DCC: variants seen among roughly 807,000 people sequenced by gnomAD.
DCC encodes the protein netrin receptor DCC.
Under a neutral mutation model 172.5 loss-of-function variants are expected in DCC, and 58 were observed. The ratio of observed to expected loss-of-function variants is 0.34; its 90% confidence interval spans 0.27 to 0.42. DCC has a LOEUF of 0.42. Among genes scored for constraint, DCC ranks in the 10% least tolerant of loss-of-function variants. The pLI, the probability that DCC is intolerant of heterozygous loss-of-function variation, is 1.00. For synonymous variants in DCC, 709 were observed against 644.5 expected (o/e 1.10, Z -1.52); for missense variants, 1,740 against 1,791.0 (o/e 0.97, Z 0.51).
At chr18:53,230,115 T>C (rs950432618) in intron 12 of DCC, among the ~76,000 whole-genome samples, 13 of 152,122 alleles carry the variant, frequency 8.5e-5, no homozygotes, top group African/African-American at 2.7e-4. Flanking sequence ...TTCATTGTTA[T>C]TGATGAATGA....
At chr18:52,481,266 G>A (rs1010946031) in intron 1 of DCC, among the ~76,000 whole-genome samples, 14 of 152,138 alleles carry the variant, frequency 9.2e-5, no homozygotes, top group Non-Finnish European at 2.9e-5. Flanking sequence ...GTGCGTGCCA[G>A]CCTGGCGCAT....
At chr18:53,424,221 A>G (rs1436486830) in intron 21 of DCC, among the ~76,000 whole-genome samples, 1 of 152,166 alleles carries the variant, frequency 6.6e-6, no homozygotes, top group Non-Finnish European at 1.5e-5. Context: ...AGCTGCTTGG[A>G]ATTCTGAGTA....
intron 5 of DCC, among the ~76,000 whole-genome samples, chr18:53,060,542 G>A (rs1181986229): frequency 1.3e-5 from 2 of 152,098 alleles, no homozygotes; most frequent in Non-Finnish European, 2.9e-5. Flanking sequence ...ATATAGATTA[G>A]AACTCACATA....
intron 9 of DCC, among the ~76,000 whole-genome samples, chr18:53,196,916 T>C (rs1451750428): frequency 6.6e-6 from 1 of 152,118 alleles, no homozygotes; most frequent in Non-Finnish European, 1.5e-5. Flanking sequence ...TACTGTCTTA[T>C]CTCCTAACTA....
rs1432892226 is a variant in DCC, at chr18:52,927,172, T to C, written c.985+1802T>C. ...GTGTATATATACGTATATATGTGTA[T>C]ATATGTGTATATATACGTATATATA... On this transcript the variant is annotated intron_variant, in intron 5 of 28. Transcript: ENST00000442544. Among the ~76,000 whole-genome samples, 15 of 145,848 alleles carry C rather than the reference T, an allele frequency of 1.0e-4. 4 individuals are homozygous for C. Among genetic ancestry groups the C allele is most frequent in the Non-Finnish European group, 2.1e-4 (14 of 65,760 alleles).
At chr18:52,722,725 T>C (rs1489921327) in intron 1 of DCC, among the ~76,000 whole-genome samples, 1 of 152,122 alleles carries the variant, frequency 6.6e-6, no homozygotes, top group Non-Finnish European at 1.5e-5. Context: ...CCTGGATGGG[T>C]TGGCTGCTAC....
At chr18:52,658,110 G>A (rs180709423) in intron 1 of DCC, among the ~76,000 whole-genome samples, 62 of 152,280 alleles carry the variant, frequency 4.1e-4, no homozygotes, top group African/African-American at 1.3e-3. Flanking sequence ...TTTATGACAC[G>A]ATTAGTTTGA....
intron 5 of DCC, among the ~76,000 whole-genome samples, chr18:52,941,808 A>G (rs1048780301): frequency 1.3e-5 from 2 of 151,718 alleles, no homozygotes; most frequent in Non-Finnish European, 1.5e-5. Context: ...TTTGAGATGG[A>G]GTCTTGCTCT....
Position 52,752,130 on chromosome 18 carries a change from T to C in DCC, c.168T>C (p.Asn56=), listed in dbSNP as rs1405842057. The C allele has an allele frequency of 1.9e-6, 3 of 1,614,108 alleles. No homozygotes were observed. The highest frequency in any genetic ancestry group is 2.5e-6 in the Non-Finnish European group (3 of 1,180,028). The change falls in exon 2 of 29, where the codon AAT becomes AAC. Residue 56 remains asparagine (N), a synonymous_variant. Transcript: ENST00000442544. ...ATGCCGTCACAATGCGGGGAGGAAA[T>C]GTCCTCCTCGACTGCTCCGCGGAGT... is the stretch of plus-strand genomic sequence containing the variant. ...PSDAVTMRGG[N]VLLDCSAESD...
At chr18:53,506,834 G>T (rs773473506) in intron 27 of DCC, among the ~76,000 whole-genome samples, 1 of 149,360 alleles carries the variant, frequency 6.7e-6, no homozygotes, top group Non-Finnish European at 1.5e-5. Flanking sequence ...CTCCAGTCTG[G>T]GTGACAGAGC....
At chr18:53,427,159 A>G (rs1261368214) in intron 21 of DCC, among the ~76,000 whole-genome samples, 1 of 152,166 alleles carries the variant, frequency 6.6e-6, no homozygotes, top group Non-Finnish European at 1.5e-5. Flanking sequence ...TAGCCTGGCA[A>G]ATGAACTAGC....
chr18:53,517,939 A>G (rs1401007185), intron 27 of DCC, among the ~76,000 whole-genome samples: 3 of 152,082 alleles, frequency 2.0e-5, no homozygotes, highest in African/African-American at 7.2e-5. Flanking sequence ...TTTTTGTTCA[A>G]TATTTGTTGA....
chr18:53,453,896 A>G (rs543436636), intron 23 of DCC, among the ~76,000 whole-genome samples: 1 of 152,258 alleles, frequency 6.6e-6, no homozygotes, highest in East Asian at 1.9e-4. Context: ...TTCCCAATGG[A>G]ATACTTCTAA....
At chr18:52,919,787 A>AT (rs933616209) in intron 3 of DCC, among the ~76,000 whole-genome samples, 2 of 152,128 alleles carry the variant, frequency 1.3e-5, no homozygotes, top group Non-Finnish European at 2.9e-5. Flanking sequence ...ACAATACTGA[A>AT]TAAGAAGAAC....
At chr18:53,152,348 A>G (rs2054654576) in intron 7 of DCC, among the ~76,000 whole-genome samples, 1 of 152,202 alleles carries the variant, frequency 6.6e-6, no homozygotes, top group Non-Finnish European at 1.5e-5. Context: ...ATGTTCATAA[A>G]CACTGTATAA....
chr18:53,232,078 T>C (rs996910059), intron 12 of DCC, among the ~76,000 whole-genome samples: 2 of 152,256 alleles, frequency 1.3e-5, no homozygotes, highest in Middle Eastern at 3.4e-3. Context: ...TAACGTCTGC[T>C]CATTTGTCAT....
intron 5 of DCC, among the ~76,000 whole-genome samples, chr18:53,054,462 C>T (rs888516556): frequency 6.6e-5 from 10 of 152,032 alleles, no homozygotes; most frequent in African/African-American, 2.4e-4. Context: ...TTTCCAGCCA[C>T]TATATTAACA....
intron 22 of DCC, among the ~76,000 whole-genome samples, chr18:53,441,473 G>A (rs1413017257): frequency 6.6e-6 from 1 of 151,882 alleles, no homozygotes; most frequent in Non-Finnish European, 1.5e-5. Flanking sequence ...TAATTATCAT[G>A]AGATCTCCAC....
At chr18:52,656,536 G>A (rs1289726574) in intron 1 of DCC, among the ~76,000 whole-genome samples, 3 of 146,726 alleles carry the variant, frequency 2.0e-5, no homozygotes, top group Non-Finnish European at 4.6e-5. Context: ...TGAATAGATT[G>A]CATTCTACTT....
Sources: gnomAD v4.1 joint callset for allele counts (sites outside exome capture counted in the v4.1 genomes callset) on GRCh38, gnomAD v4.1.1 for gene constraint, MANE v1.5 for transcripts, NCBI Gene and HGNC (gene_info 2026-07-23, HGNC 2026-07-21) for gene names.